Variants in TMLHE observed in about 807,000 individuals in gnomAD.
TMLHE encodes trimethyllysine hydroxylase, epsilon, also known as trimethyllysine dioxygenase, mitochondrial.
A neutral mutation model predicts 25.7 loss-of-function variants in TMLHE; 18 were observed. The ratio of observed to expected loss-of-function variants is 0.70; its 90% confidence interval spans 0.48 to 1.04. The LOEUF is 1.04. Among genes scored for constraint, TMLHE ranks in the 50% least tolerant of loss-of-function variants. The pLI is 0.00. For missense variants in TMLHE, 236 were observed against 259.0 expected (o/e 0.91, Z 0.61); for synonymous variants, 105 against 97.0 (o/e 1.08, Z -0.49).
intron 2 of TMLHE, among the ~76,000 whole-genome samples, chrX:155,542,514 C>T (rs2067318867): frequency 9.0e-6 from 1 of 111,438 alleles, no homozygotes; most frequent in Non-Finnish European, 1.9e-5. Flanking sequence ...AAAAAACCTT[C>T]CTAAAAGTCA....
rs2124457247 is a variant in TMLHE at position 155,570,687 on chromosome X, C to A, written c.-1-25410G>T. On this transcript the variant is annotated intron_variant, in intron 1 of 7. Coordinates refer to ENST00000334398, the MANE Select transcript of TMLHE (RefSeq NM_018196.4). ...AGAACTCAGGATTAAGAAACTCACT[C>A]AAAACCGCTCAACTACATGGAGACT... 3.5e-5 allele frequency among the ~76,000 whole-genome samples: 2 copies of A among 57,314 alleles called. 1 individual carries two copies. Among genetic ancestry groups the A allele is most frequent in the East Asian group, 1.4e-3 (2 of 1,407 alleles). The allele number at this position is 57,314 out of a possible 115,157, so 49.8% of individuals were successfully genotyped here.
chrX:155,576,823 G>A (rs1603080007), intron 1 of TMLHE, among the ~76,000 whole-genome samples: 1 of 111,769 alleles, frequency 8.9e-6, no homozygotes, highest in Non-Finnish European at 1.9e-5. Flanking sequence ...ATTAAAACTG[G>A]ACCCCTTCCT....
rs782422838 is a variant in TMLHE, at chrX:155,491,519, C to T, written c.*16G>A. On this transcript the variant is annotated 3_prime_UTR_variant, in exon 8 of 8. Coordinates refer to ENST00000334398, the MANE Select transcript of TMLHE (RefSeq NM_018196.4). Reference sequence around the variant, plus strand: ...CCAGGGTGCCAGGTGTATTCATAATCCAGATGCTGTCAATTTTAAGCCTGA... The same window carrying T: ...CCAGGGTGCCAGGTGTATTCATAATTCAGATGCTGTCAATTTTAAGCCTGA... 1 of 130,082 alleles carries T rather than the reference C, an allele frequency of 7.7e-6. No homozygotes were observed. The highest frequency in any genetic ancestry group is 1.2e-4 in the African/African-American group (1 of 8,404). 10.7% of individuals were successfully genotyped at this position (130,082 alleles called of 1,213,427 possible).
At chrX:155,550,371 C>A (rs2067406894) in intron 1 of TMLHE, among the ~76,000 whole-genome samples, 1 of 110,749 alleles carries the variant, frequency 9.0e-6, no homozygotes, top group Non-Finnish European at 1.9e-5. Flanking sequence ...AAAATAAGTT[C>A]TTTCTATAAT....
At chrX:155,573,249 C>T (rs1557343438) in intron 1 of TMLHE, among the ~76,000 whole-genome samples, 1 of 57,985 alleles carries the variant, frequency 1.7e-5, no homozygotes, top group African/African-American at 4.1e-5. Context: ...CCATCACTAG[C>T]CATCAGAGAA....
intron 1 of TMLHE, among the ~76,000 whole-genome samples, chrX:155,567,840 T>C (rs2067516757): frequency 1.6e-5 from 1 of 61,321 alleles, no homozygotes; most frequent in South Asian, 9.7e-4. Context: ...CCATATCCAC[T>C]TCAGAGGTCA....
rs782465189 is a variant in TMLHE, at chrX:155,567,729, C to G, written c.-1-22452G>C. On this transcript the variant is annotated intron_variant, in intron 1 of 7. Transcript: ENST00000334398. ...GGTCATTCCCATTCCTTCCACCAGC[C>G]CTGTGGCATGGTCATTTTAAATGTA... 1.6e-4 allele frequency among the ~76,000 whole-genome samples: 10 copies of G among 61,751 alleles called. 3 individuals are homozygous for G. In the South Asian group the frequency reaches 8.6e-3, roughly 53 times the overall value. The allele number at this position is 61,751 out of a possible 115,157, so 53.6% of individuals were successfully genotyped here.
intron 1 of TMLHE, among the ~76,000 whole-genome samples, chrX:155,556,729 G>C (rs1253530993): frequency 4.5e-5 from 5 of 110,256 alleles, no homozygotes; most frequent in African/African-American, 9.9e-5. Flanking sequence ...AGATCAACCG[G>C]TCTGACCAAA....
chrX:155,566,806 T>C (rs2067512883), intron 1 of TMLHE, among the ~76,000 whole-genome samples: 1 of 61,873 alleles, frequency 1.6e-5, no homozygotes, highest in African/African-American at 3.6e-5. Flanking sequence ...CTTCACTCTA[T>C]ATAAAATCTC....
rs1201280322 is a variant in TMLHE, at chrX:155,572,133, A to G, written c.-1-26856T>C. On this transcript the variant is annotated intron_variant, in intron 1 of 7. Transcript: ENST00000334398. ...CCTTAAGCTGATAAGCAACTTCAGC[A>G]AAGTCTCAGGATACAAAATCAATGT... Among the ~76,000 whole-genome samples the G allele has an allele frequency of 1.4e-4, 8 of 55,873 alleles. 2 individuals are homozygous for G. Among genetic ancestry groups the G allele is most frequent in the African/African-American group, 2.6e-4 (6 of 22,930 alleles). 48.5% of individuals were successfully genotyped at this position (55,873 alleles called of 115,157 possible). A position where few individuals can be genotyped will look rare whatever the true frequency, so the allele number is the denominator to read the frequency against.
chrX:155,510,727 T>G (rs781992559), intron 5 of TMLHE, among the ~76,000 whole-genome samples: 1,227 of 109,075 alleles, frequency 0.011, 20 homozygotes, highest in African/African-American at 0.039. Flanking sequence ...CATGTGTCTT[T>G]ATAGCAGCAT....
At chrX:155,549,044 G>C (rs782133557) in intron 1 of TMLHE, among the ~76,000 whole-genome samples, 4 of 111,055 alleles carry the variant, frequency 3.6e-5, no homozygotes, top group Admixed American at 9.5e-5. Flanking sequence ...ATTTCAATTT[G>C]TAATTGCTAA....
intron 1 of TMLHE, among the ~76,000 whole-genome samples, chrX:155,548,467 G>C (rs945655592): frequency 1.8e-5 from 2 of 108,780 alleles, no homozygotes; most frequent in East Asian, 5.8e-4. Context: ...TGGGCACGGT[G>C]GCTCATGCCT....
intron 1 of TMLHE, among the ~76,000 whole-genome samples, chrX:155,561,458 G>A (rs1346423754): frequency 3.3e-5 from 2 of 60,879 alleles, no homozygotes; most frequent in African/African-American, 7.3e-5. Flanking sequence ...TGAGACTTGG[G>A]TGGGGACATA....
chrX:155,595,088 T>C (rs1242402564), intron 1 of TMLHE, among the ~76,000 whole-genome samples: 1 of 111,964 alleles, frequency 8.9e-6, no homozygotes, highest in African/African-American at 3.2e-5. Context: ...TACAAATATG[T>C]TATAAAAAGT....
rs2067542905 is a variant in TMLHE, at chrX:155,570,582, G to A, written c.-1-25305C>T. Among the ~76,000 whole-genome samples the A allele has an allele frequency of 3.5e-5, 2 of 56,559 alleles. 1 individual carries two copies. Among genetic ancestry groups the A allele is most frequent in the African/African-American group, 8.5e-5 (2 of 23,416 alleles). 49.1% of individuals were successfully genotyped at this position (56,559 alleles called of 115,157 possible). A position where few individuals can be genotyped will look rare whatever the true frequency, so the allele number is the denominator to read the frequency against. Reference sequence around the variant, plus strand: ...CTATTCCAAAATTGACCACATAGTTGGAAGTAAAGCTCTCCTCAGCAAATG... The same window carrying A: ...CTATTCCAAAATTGACCACATAGTTAGAAGTAAAGCTCTCCTCAGCAAATG... On this transcript the variant is annotated intron_variant, in intron 1 of 7. Coordinates refer to ENST00000334398, the MANE Select transcript of TMLHE (RefSeq NM_018196.4).
intron 1 of TMLHE, among the ~76,000 whole-genome samples, chrX:155,604,931 A>G (rs1254398350): frequency 2.7e-5 from 3 of 112,056 alleles, no homozygotes; most frequent in Non-Finnish European, 5.6e-5. Context: ...AAATCACACC[A>G]CAGTTAAAGA....
rs1450136950 is a variant in TMLHE at position 155,573,661 on chromosome X, T to C, written c.-1-28384A>G. 5.4e-5 allele frequency among the ~76,000 whole-genome samples: 3 copies of C among 55,530 alleles called. 1 individual carries two copies. Among genetic ancestry groups the C allele is most frequent in the Non-Finnish European group, 1.4e-4 (3 of 21,469 alleles). 48.2% of individuals were successfully genotyped at this position (55,530 alleles called of 115,157 possible). On this transcript the variant is annotated intron_variant, in intron 1 of 7. Transcript: ENST00000334398. ...TGAAATACCATGCAGCCATAAAAAATGATGAGTTCACGTCCTTTGTAGGGA... is the reference window on the plus strand; with the variant it reads ...TGAAATACCATGCAGCCATAAAAAACGATGAGTTCACGTCCTTTGTAGGGA...
At chrX:155,557,711 C>A (rs1184205762) in intron 1 of TMLHE, among the ~76,000 whole-genome samples, 3 of 111,301 alleles carry the variant, frequency 2.7e-5, no homozygotes, top group Admixed American at 9.6e-5. Flanking sequence ...CCCCCCTACA[C>A]CTAAACTGTT....
Sources: gnomAD v4.1 joint callset for allele counts (sites outside exome capture counted in the v4.1 genomes callset) on GRCh38, gnomAD v4.1.1 for gene constraint, MANE v1.5 for transcripts, NCBI Gene and HGNC (gene_info 2026-07-23, HGNC 2026-07-21) for gene names.